The following EMC3 variants were observed in gnomAD, a reference collection of about 807,000 sequenced individuals.
EMC3 encodes 30 kDa protein.
EMC3 carries 13 observed loss-of-function variants against 36.6 expected under a neutral mutation model. The observed-to-expected ratio is 0.35, with a 90% confidence interval of 0.23 to 0.56. The LOEUF (loss-of-function observed/expected upper bound fraction) is 0.56. EMC3 is among the 20% of genes least tolerant of loss of function. The pLI, the probability that EMC3 is intolerant of heterozygous loss-of-function variation, is 0.84. For synonymous variants in EMC3, 120 were observed against 111.9 expected (o/e 1.07, Z -0.46); for missense variants, 220 against 324.5 (o/e 0.68, Z 2.47).
upstream of EMC3, among the ~76,000 whole-genome samples, chr3:9,990,578 C>T (rs1399623025): frequency 1.3e-5 from 2 of 152,028 alleles, no homozygotes; most frequent in African/African-American, 2.4e-5. Context: ...GCCACAATCT[C>T]GGTTCACTGC....
At chr3:10,007,339 GTCAA>G (rs1559361327) in intron 1 of EMC3, 2 of 1,334,650 alleles carry the variant, frequency 1.5e-6, no homozygotes, top group East Asian at 9.3e-5. Flanking sequence ...GTCTGCCTGT[GTCAA>G]TCATGCTGAG....
chr3:9,990,834 A>G (rs112972126), upstream of EMC3, among the ~76,000 whole-genome samples: 1 of 139,936 alleles, frequency 7.1e-6, no homozygotes, highest in African/African-American at 3.2e-5. Context: ...TTATTTATTT[A>G]TTTATTTATT....
chr3:9,995,800 G>C (rs2086116405), intron 1 of EMC3, among the ~76,000 whole-genome samples: 1 of 151,760 alleles, frequency 6.6e-6, no homozygotes, highest in Non-Finnish European at 1.5e-5. Flanking sequence ...ACCACAATCG[G>C]CTGATTTTTG....
chr3:9,998,406 A>AATAATAATTATT (rs757919421), intron 1 of EMC3, among the ~76,000 whole-genome samples: 6 of 143,744 alleles, frequency 4.2e-5, no homozygotes, highest in South Asian at 2.2e-4. Context: ...TAATAATAAT[A>AATAATAATTATT]ATTTTGCTTT....
At chr3:9,992,642 C>T (rs1018826272) in intron 1 of EMC3, among the ~76,000 whole-genome samples, 8 of 152,130 alleles carry the variant, frequency 5.3e-5, no homozygotes, top group Non-Finnish European at 1.2e-4. Flanking sequence ...AGTAGTATCA[C>T]TTTAATGTAT....
chr3:9,974,332 T>C, intron 4 of EMC3, 52 bp downstream of exon 4: 1 of 1,238,026 alleles, frequency 8.1e-7, no homozygotes, highest in Non-Finnish European at 1.2e-6. Flanking sequence ...AGTGTCTCAC[T>C]AGCACTTGAA....
intron 3 of EMC3, among the ~76,000 whole-genome samples, chr3:9,975,640 G>A (rs572927365): frequency 1.1e-4 from 17 of 151,864 alleles, no homozygotes; most frequent in South Asian, 4.2e-4. Context: ...ATGAAACCCC[G>A]TCTCTATTAA....
At chr3:10,002,277 TTTTTA>T (rs1553604624) in intron 1 of EMC3, among the ~76,000 whole-genome samples, 19 of 148,146 alleles carry the variant, frequency 1.3e-4, no homozygotes, top group Admixed American at 5.4e-4. Context: ...GCAGTTTCTT[TTTTTA>T]TTTTATTTTA....
chr3:9,991,253 C>T (rs1197694313), upstream of EMC3, among the ~76,000 whole-genome samples: 1 of 152,036 alleles, frequency 6.6e-6, no homozygotes, highest in African/African-American at 2.4e-5. Flanking sequence ...TGAGCCACTG[C>T]ACCCAGCCCT....
chr3:9,990,325 CTTTTTTTTT>C (rs4020037), upstream of EMC3, among the ~76,000 whole-genome samples: 35 of 88,688 alleles, frequency 3.9e-4, no homozygotes, highest in African/African-American at 2.0e-3. Flanking sequence ...GGGCCTTTCT[CTTTTTTTTT>C]TTTTTTTTTT....
chr3:9,969,564 C>G (rs1372381978), intron 7 of EMC3, 155 bp downstream of exon 7: 1 of 1,519,446 alleles, frequency 6.6e-7, no homozygotes, highest in Non-Finnish European at 8.8e-7. Flanking sequence ...ATGATTCTGT[C>G]TCAGGAAAGA....
chr3:9,985,513 C>A (rs1308420012), intron 1 of EMC3, among the ~76,000 whole-genome samples: 1 of 152,178 alleles, frequency 6.6e-6, no homozygotes, highest in East Asian at 1.9e-4. Context: ...TCCCAAGTTG[C>A]TGGGAGAAAA....
chr3:9,967,332 T>G (rs1452272519), intron 7 of EMC3, among the ~76,000 whole-genome samples: 1 of 95,576 alleles, frequency 1.0e-5, no homozygotes, highest in East Asian at 2.3e-4. Context: ...GAACCTAATT[T>G]TTTTTTTTCT....
chr3:9,976,986 C>T lies in EMC3; in HGVS notation c.278G>A (p.Arg93Gln). 5 of 1,612,442 alleles carry T rather than the reference C, an allele frequency of 3.1e-6. No individual in the cohort carries two copies. The highest frequency in any genetic ancestry group is 1.1e-5 in the South Asian group (1 of 90,722). ...PEDGFFKKTK[R>Q]KVVPPSPMTD... The stretch of plus-strand genomic sequence containing the variant: ...CATAGGAGAAGGTGGCACTACCTTC[C>T]GTTTAGTTTTTTTGAAAAATCCATC... The change falls in exon 3 of 8, where the codon CGG becomes CAG. Residue 93 changes from arginine to glutamine, a missense_variant. Arg to Gln is a conservative substitution (Grantham distance 43). This residue lies in a region of EMC3 where 127 missense variants were observed against 174.6 expected (regional missense o/e 0.73). Transcript: ENST00000245046.
At chr3:9,969,223 G>A in intron 7 of EMC3, 4 of 596,686 alleles carry the variant, frequency 6.7e-6, no homozygotes, top group Non-Finnish European at 8.8e-6. Flanking sequence ...GCCTCCCAAA[G>A]TGCTGGGATT....
At chr3:10,004,987 G>C (rs962574997) in intron 1 of EMC3, 1 of 152,262 alleles carries the variant, frequency 6.6e-6, no homozygotes, top group African/African-American at 2.4e-5. Context: ...CACCTCACTT[G>C]ACAAGGAGAT....
chr3:9,970,544 T>A, intron 6 of EMC3, 38 bp downstream of exon 6: 3 of 1,597,294 alleles, frequency 1.9e-6, no homozygotes, highest in Non-Finnish European at 2.6e-6. Flanking sequence ...GATTCATCTA[T>A]GGAAGTATTT....
upstream of EMC3, among the ~76,000 whole-genome samples, chr3:9,989,472 A>G (rs1237516134): frequency 3.3e-5 from 5 of 152,202 alleles, no homozygotes; most frequent in East Asian, 9.6e-4. Flanking sequence ...ACTCCATCTC[A>G]AAAGATAAAA....
chr3:10,003,305 G>T (rs2086226664), intron 1 of EMC3: 1 of 435,048 alleles, frequency 2.3e-6, no homozygotes, highest in South Asian at 1.6e-5. Context: ...CTGCCGCAGG[G>T]CTGCCAGGGG....
Sources: gnomAD v4.1 joint callset for allele counts (sites outside exome capture counted in the v4.1 genomes callset) on GRCh38, gnomAD v4.1.1 for gene constraint, gnomAD v4.1.1 regional missense constraint, MANE v1.5 for transcripts, NCBI Gene and HGNC (gene_info 2026-07-23, HGNC 2026-07-21) for gene names.